The following HSD17B12 variants were observed in gnomAD, a reference collection of about 807,000 sequenced individuals.
HSD17B12 encodes the protein hydroxysteroid 17-beta dehydrogenase 12, also known as very-long-chain 3-oxoacyl-CoA reductase.
A neutral mutation model predicts 39.3 loss-of-function variants in HSD17B12; 32 were observed. That is an observed-to-expected ratio of 0.81 (90% CI 0.61 to 1.09). The LOEUF is 1.09. Among genes scored for constraint, HSD17B12 ranks in the 50% least tolerant of loss-of-function variants. The pLI is 0.00. For missense variants in HSD17B12, 342 were observed against 382.9 expected, an observed-to-expected ratio of 0.89 and a Z score of 0.89; for synonymous variants, 150 against 146.7, an observed-to-expected ratio of 1.02 and a Z score of -0.16.
chr11:43,584,284 T>C, the HSD17B12 span, among the ~76,000 whole-genome samples: 1 of 152,316 alleles, frequency 6.6e-6, no homozygotes, highest in East Asian at 1.9e-4. Flanking sequence ...TTGATTCAGA[T>C]GTGCTTGGAA....
At chr11:43,801,372 G>A (rs1950966457) in intron 4 of HSD17B12, among the ~76,000 whole-genome samples, 1 of 152,046 alleles carries the variant, frequency 6.6e-6, no homozygotes, top group Admixed American at 6.6e-5. Context: ...TATAAATGAA[G>A]TAGACGAAGC....
At chr11:43,618,502 A>C in the HSD17B12 span, among the ~76,000 whole-genome samples, 1 of 151,704 alleles carries the variant, frequency 6.6e-6, no homozygotes, top group Non-Finnish European at 1.5e-5. Context: ...AAACAAAGGA[A>C]TTGAGCCACC....
At chr11:43,824,479 C>G (rs1951213041) in intron 6 of HSD17B12, among the ~76,000 whole-genome samples, 1 of 152,118 alleles carries the variant, frequency 6.6e-6, no homozygotes, top group Non-Finnish European at 1.5e-5. Context: ...GATCAGTGCC[C>G]CACCAGATTT....
At chr11:43,739,207 C>T (rs1328757468) in intron 1 of HSD17B12, among the ~76,000 whole-genome samples, 1 of 152,184 alleles carries the variant, frequency 6.6e-6, no homozygotes, top group Non-Finnish European at 1.5e-5. Flanking sequence ...AGTGACCCAA[C>T]TGGCATGATC....
At chr11:43,727,848 T>G (rs1251417405) in intron 1 of HSD17B12, among the ~76,000 whole-genome samples, 4 of 152,178 alleles carry the variant, frequency 2.6e-5, no homozygotes, top group Non-Finnish European at 5.9e-5. Context: ...AGAGATGAAC[T>G]ATGGCAGTAA....
intron 9 of HSD17B12, among the ~76,000 whole-genome samples, chr11:43,842,133 C>T (rs1021296673): frequency 3.3e-5 from 5 of 152,168 alleles, no homozygotes; most frequent in African/African-American, 4.8e-5. Flanking sequence ...TGAACACTTA[C>T]TGGATCCATC....
the HSD17B12 span, among the ~76,000 whole-genome samples, chr11:43,666,914 A>G: frequency 2.0e-5 from 3 of 152,240 alleles, no homozygotes; most frequent in Admixed American, 2.0e-4. Context: ...ATGAGGACGA[A>G]TAACCAACTA....
chr11:43,664,092 G>T, the HSD17B12 span, among the ~76,000 whole-genome samples: 1 of 151,952 alleles, frequency 6.6e-6, no homozygotes, highest in African/African-American at 2.4e-5. Context: ...GTCGTGATCT[G>T]CCTGCCTCAG....
At chr11:43,791,561 G>A (rs1216802167) in intron 3 of HSD17B12, among the ~76,000 whole-genome samples, 3 of 151,624 alleles carry the variant, frequency 2.0e-5, no homozygotes, top group African/African-American at 4.8e-5. Context: ...AAGAAGAAGA[G>A]GAATATTTTG....
intron 1 of HSD17B12, among the ~76,000 whole-genome samples, chr11:43,685,394 C>G (rs1159923241): frequency 6.6e-6 from 1 of 152,146 alleles, no homozygotes; most frequent in Admixed American, 6.5e-5. Flanking sequence ...GTAACTAGAG[C>G]TTATTAATAG....
At chr11:43,655,021 T>C in the HSD17B12 span, among the ~76,000 whole-genome samples, 1 of 152,232 alleles carries the variant, frequency 6.6e-6, no homozygotes, top group Non-Finnish European at 1.5e-5. Context: ...ACGATATTGA[T>C]TCTTCCTACC....
intron 4 of HSD17B12, among the ~76,000 whole-genome samples, chr11:43,813,122 T>A (rs1951088826): frequency 6.6e-6 from 1 of 152,184 alleles, no homozygotes; most frequent in Non-Finnish European, 1.5e-5. Flanking sequence ...ATTACAGGCG[T>A]GAGCCACCAC....
the HSD17B12 span, among the ~76,000 whole-genome samples, chr11:43,587,337 T>A: frequency 8.5e-5 from 13 of 152,186 alleles, no homozygotes; most frequent in Non-Finnish European, 1.6e-4. Flanking sequence ...CCAGGCATTT[T>A]ATATACAATT....
intron 1 of HSD17B12, among the ~76,000 whole-genome samples, chr11:43,697,553 A>C (rs983401774): frequency 6.6e-6 from 1 of 152,192 alleles, no homozygotes; most frequent in Non-Finnish European, 1.5e-5. Context: ...AGTTTACCCA[A>C]AGTCACATAG....
the HSD17B12 span, among the ~76,000 whole-genome samples, chr11:43,578,085 A>G: frequency 6.6e-6 from 1 of 152,296 alleles, no homozygotes; most frequent in African/African-American, 2.4e-5. Context: ...GGAGAGGGAG[A>G]ATAAAAGTAC....
upstream of HSD17B12, among the ~76,000 whole-genome samples, chr11:43,679,970 A>T (rs1364485738): frequency 2.0e-5 from 3 of 151,662 alleles, no homozygotes; most frequent in African/African-American, 7.3e-5. Flanking sequence ...AGCACGCTTA[A>T]CAATGATATA....
chr11:43,668,661 T>C, the HSD17B12 span, among the ~76,000 whole-genome samples: 3 of 152,086 alleles, frequency 2.0e-5, no homozygotes. Context: ...AACAGAGGCA[T>C]AATCATTTTA....
chr11:43,819,271 A>AGG (rs1417447815), intron 6 of HSD17B12, among the ~76,000 whole-genome samples: 1 of 152,130 alleles, frequency 6.6e-6, no homozygotes, highest in African/African-American at 2.4e-5. Context: ...ATGGTGTAAA[A>AGG]CCCTGGCCTC....
intron 3 of HSD17B12, among the ~76,000 whole-genome samples, chr11:43,758,612 G>A (rs1411419683): frequency 2.0e-5 from 3 of 152,148 alleles, no homozygotes; most frequent in Admixed American, 6.5e-5. Flanking sequence ...GGGCTACCAC[G>A]GAAGTTCTCT....
Sources: allele counts gnomAD v4.1 joint callset (sites outside exome capture counted in the v4.1 genomes callset), GRCh38; gene constraint gnomAD v4.1.1; transcripts MANE v1.5; gene names NCBI Gene and HGNC (gene_info 2026-07-23, HGNC 2026-07-21).